BAZ2B: variants seen among roughly 807,000 people sequenced by gnomAD.
BAZ2B encodes bromodomain adjacent to zinc finger domain 2B.
BAZ2B carries 91 observed loss-of-function variants against 246.0 expected under a neutral mutation model. The ratio of observed to expected loss-of-function variants is 0.37; its 90% confidence interval spans 0.31 to 0.44. The LOEUF is 0.44. BAZ2B is among the 20% of genes least tolerant of loss of function. BAZ2B has a pLI of 1.00. For missense variants in BAZ2B, 2,332 were observed against 2,533.7 expected (o/e 0.92, Z 1.71); for synonymous variants, 855 against 860.0 (o/e 0.99, Z 0.10).
At chr2:159,362,923 A>G (rs147849221) in intron 27 of BAZ2B, among the ~76,000 whole-genome samples, 52 of 152,266 alleles carry the variant, frequency 3.4e-4, no homozygotes, top group African/African-American at 1.2e-3. Context: ...ATATGAGGCA[A>G]CTGGTCCTGC....
intron 14 of BAZ2B, among the ~76,000 whole-genome samples, chr2:159,405,861 C>T (rs1408893150): frequency 6.6e-6 from 1 of 152,040 alleles, no homozygotes; most frequent in Non-Finnish European, 1.5e-5. Context: ...AGTCCCCTCC[C>T]ACCCAAACTT....
intron 32 of BAZ2B, 100 bp from the exon 33 acceptor site, chr2:159,337,177 A>G: frequency 7.1e-7 from 1 of 1,400,328 alleles, no homozygotes; most frequent in Admixed American, 2.0e-5. Context: ...TGACAAAAAC[A>G]TGTAACAGCC....
At chr2:159,590,187 C>CAAAAAAAAAAAAAAAAAAAAAAAAA (rs552786270) in intron 1 of BAZ2B, among the ~76,000 whole-genome samples, 1 of 20,310 alleles carries the variant, frequency 4.9e-5, no homozygotes, top group African/African-American at 2.5e-4. Context: ...GACTCCATCT[C>CAAAAAAAAAAAAAAAAAAAAAAAAA]AAAAAAAAAA....
At chr2:159,329,182 C>G (rs1475552615) in intron 34 of BAZ2B, among the ~76,000 whole-genome samples, 1 of 151,228 alleles carries the variant, frequency 6.6e-6, no homozygotes, top group East Asian at 1.9e-4. Context: ...ATCCAACCCC[C>G]TCATAACAAA....
intron 2 of BAZ2B, among the ~76,000 whole-genome samples, chr2:159,503,884 A>T (rs1380973040): frequency 6.6e-6 from 1 of 152,158 alleles, no homozygotes; most frequent in Non-Finnish European, 1.5e-5. Flanking sequence ...CCTGGCCGAT[A>T]TCTGGCTTCT....
intron 1 of BAZ2B, among the ~76,000 whole-genome samples, chr2:159,568,556 TAAA>T (rs35757082): frequency 6.7e-6 from 1 of 149,972 alleles, no homozygotes; most frequent in African/African-American, 2.4e-5. Context: ...ACTGAAAAGT[TAAA>T]AAAAAAAAAG....
intron 14 of BAZ2B, among the ~76,000 whole-genome samples, chr2:159,409,344 C>T (rs1050841942): frequency 9.9e-5 from 15 of 152,054 alleles, no homozygotes; most frequent in African/African-American, 3.6e-4. Flanking sequence ...CAGTTTCAAT[C>T]GCATATGAAA....
intron 1 of BAZ2B, among the ~76,000 whole-genome samples, chr2:159,575,309 A>G (rs1307110796): frequency 6.6e-6 from 1 of 152,066 alleles, no homozygotes; most frequent in Non-Finnish European, 1.5e-5. Flanking sequence ...CCTCCCAAAG[A>G]AAAAAAACCA....
At chr2:159,482,191 T>C (rs962307418) in intron 2 of BAZ2B, among the ~76,000 whole-genome samples, 2 of 148,302 alleles carry the variant, frequency 1.3e-5, no homozygotes, top group African/African-American at 4.9e-5. Flanking sequence ...AAAATACATA[T>C]GCATTGAAGT....
At position 159,478,598 on chromosome 2, in the gene BAZ2B, A is replaced by T. The variant is rs1172018075; in HGVS notation, c.122T>A (p.Leu41His). 1.2e-6 allele frequency: 2 copies of T among 1,610,418 alleles called. No individual in the cohort carries two copies. The highest frequency in any genetic ancestry group is 2.7e-5 in the African/African-American group (2 of 74,718). Residue 41 changes from leucine to histidine, a missense_variant, in exon 3 of 37, where the codon CTT becomes CAT. Physicochemically the swap from Leu to His is moderately conservative, Grantham distance 99 (BLOSUM62 -3). Coordinates refer to ENST00000392783, the MANE Select transcript of BAZ2B (RefSeq NM_013450.4). ...KGGLSTGVAS[L>H]SSTINPCGHL... The stretch of plus-strand genomic sequence containing the variant: ...ACCACATGGGTTGATTGTAGAGCTA[A>T]GTGAAGCAACTCCAGTGGAAAGGCC...
chr2:159,638,628 T>G, the BAZ2B span, among the ~76,000 whole-genome samples: 1 of 152,144 alleles, frequency 6.6e-6, no homozygotes, highest in African/African-American at 2.4e-5. Context: ...CATCAGAGTT[T>G]TTTAATAGCA....
intron 16 of BAZ2B, among the ~76,000 whole-genome samples, chr2:159,401,247 A>G (rs149142280): frequency 6.6e-6 from 1 of 152,224 alleles, no homozygotes; most frequent in Non-Finnish European, 1.5e-5. Context: ...ATCTTTATAG[A>G]TATTTGCAGT....
chr2:159,338,312 T>C (rs572964732), intron 31 of BAZ2B, among the ~76,000 whole-genome samples: 2 of 152,356 alleles, frequency 1.3e-5, no homozygotes, highest in Admixed American at 6.5e-5. Flanking sequence ...AGGATCCTGA[T>C]AGGAATCCTT....
chr2:159,407,505 T>C (rs2066144288), intron 14 of BAZ2B, among the ~76,000 whole-genome samples: 1 of 152,178 alleles, frequency 6.6e-6, no homozygotes, highest in African/African-American at 2.4e-5. Flanking sequence ...CCACAGTCTA[T>C]ATGCCACTAT....
At chr2:159,348,544 T>G in intron 30 of BAZ2B, 134 bp downstream of exon 30, 1 of 1,045,010 alleles carries the variant, frequency 9.6e-7, no homozygotes, top group East Asian at 2.7e-5. Context: ...CTGTTTGATC[T>G]GCGATTGGTT....
chr2:159,427,185 C>CA (rs2070091296), intron 13 of BAZ2B, among the ~76,000 whole-genome samples: 1 of 152,092 alleles, frequency 6.6e-6, no homozygotes, highest in African/African-American at 2.4e-5. Flanking sequence ...TAGGTCTCAT[C>CA]ACTCCTTAAC....
At chr2:159,629,736 A>G in the BAZ2B span, among the ~76,000 whole-genome samples, 1 of 152,218 alleles carries the variant, frequency 6.6e-6, no homozygotes, top group African/African-American at 2.4e-5. Flanking sequence ...TGATGGGTTA[A>G]TGGATGCAGT....
At chr2:159,668,537 T>C in the BAZ2B span, among the ~76,000 whole-genome samples, 1 of 152,246 alleles carries the variant, frequency 6.6e-6, no homozygotes, top group East Asian at 1.9e-4. Flanking sequence ...TTGAATTTTG[T>C]CTACTGCTTT....
At chr2:159,493,246 A>G (rs2080699810) in intron 2 of BAZ2B, among the ~76,000 whole-genome samples, 1 of 152,230 alleles carries the variant, frequency 6.6e-6, no homozygotes, top group South Asian at 2.1e-4. Flanking sequence ...AGAAAATTAC[A>G]TTTAAATTAA....
Sources: allele counts gnomAD v4.1 joint callset (sites outside exome capture counted in the v4.1 genomes callset), GRCh38; gene constraint gnomAD v4.1.1; transcripts MANE v1.5; gene names NCBI Gene and HGNC (gene_info 2026-07-23, HGNC 2026-07-21).